MAP4K1: variants seen among roughly 807,000 people sequenced by gnomAD.
MAP4K1 encodes the protein MAPK/ERK kinase kinase kinase 1.
MAP4K1 carries 35 observed loss-of-function variants against 122.8 expected under a neutral mutation model. The ratio of observed to expected loss-of-function variants is 0.29; its 90% CI spans 0.22 to 0.38. MAP4K1 has a LOEUF of 0.38. MAP4K1 is among the 10% of genes least tolerant of loss of function. The pLI is 1.00. For synonymous variants in MAP4K1, 412 were observed against 421.3 expected, an observed-to-expected ratio of 0.98 and a Z score of 0.27; for missense variants, 791 against 1,072.6, an observed-to-expected ratio of 0.74 and a Z score of 3.67.
Position 38,609,586 on chromosome 19 carries a change from C to T in MAP4K1, c.1006+10G>A. On this transcript the variant is annotated intron_variant, in intron 13 of 30. Coordinates refer to ENST00000396857, the MANE Select transcript of MAP4K1 (RefSeq NM_001042600.3). ...TCAGGTGTCCCCAAACATAAGGATT[C>T]TCTACTCACGACAGCAGTCTGCATC... The T allele has an allele frequency of 6.2e-7, 1 of 1,612,512 alleles. No individual in the cohort carries two copies. The highest frequency in any genetic ancestry group is 8.5e-7 in the Non-Finnish European group (1 of 1,179,314).
chr19:38,611,264 C>T lies in MAP4K1; in HGVS notation c.707G>A (p.Arg236Gln). Residue 236 changes from arginine to glutamine, a missense_variant, in exon 10 of 31, where the codon CGA becomes CAA. Coordinates refer to ENST00000396857, the MANE Select transcript of MAP4K1 (RefSeq NM_001042600.3). ...LMTKSGYQPPRLKEKGKWSAA... is the reference protein window; with the variant it reads ...LMTKSGYQPPQLKEKGKWSAA... ...GTACCATTTGCCTTTTTCCTTCAGT[C>T]GGGGAGGCTGGTAGCCACTCTTGGT... The T allele has an allele frequency of 1.2e-6, 2 of 1,613,576 alleles. No individual in the cohort carries two copies. The highest frequency in any genetic ancestry group is 1.7e-6 in the Non-Finnish European group (2 of 1,179,626).
intron 19 of MAP4K1, among the ~76,000 whole-genome samples, chr19:38,602,814 A>G (rs978962350): frequency 1.9e-4 from 28 of 148,182 alleles, no homozygotes; most frequent in Non-Finnish European, 3.1e-4. Context: ...ATATACATAT[A>G]TACACATGTA....
At position 38,587,829 on chromosome 19, in the gene MAP4K1, A is replaced by G; in HGVS notation, c.2397-12T>C. Reference sequence around the variant, plus strand: ...CCACCACTACAGGCCTGTGGAAGGAAGAGATAAGTCAGTTCATTTATTCAT... The same window carrying G: ...CCACCACTACAGGCCTGTGGAAGGAGGAGATAAGTCAGTTCATTTATTCAT... On this transcript the variant is annotated splice_polypyrimidine_tract_variant and intron_variant, in intron 30 of 30. Coordinates refer to ENST00000396857, the MANE Select transcript of MAP4K1 (RefSeq NM_001042600.3). The G allele has an allele frequency of 3.7e-6, 6 of 1,604,492 alleles. No individual in the cohort carries two copies. The highest frequency in any genetic ancestry group is 4.3e-6 in the Non-Finnish European group (5 of 1,171,262).
chr19:38,595,799 A>G, intron 27 of MAP4K1, 70 bp from the exon 28 acceptor site: 1 of 1,494,592 alleles, frequency 6.7e-7, no homozygotes, highest in Non-Finnish European at 9.3e-7. Flanking sequence ...CCAATCCATA[A>G]ATTCAGTGTG....
At chr19:38,595,411 C>T in intron 29 of MAP4K1, 74 bp downstream of exon 29, 1 of 1,505,376 alleles carries the variant, frequency 6.6e-7, no homozygotes, top group Non-Finnish European at 9.2e-7. Flanking sequence ...CTCAGGAGTT[C>T]TCGGAGCCCA....
At position 38,597,235 on chromosome 19, in the gene MAP4K1, ACT is replaced by A; in HGVS notation, c.1837+89_1837+90del. On this transcript the variant is annotated intron_variant, in intron 24 of 30. Transcript: ENST00000396857. This position sits in a 1 kb window ranked among gnomAD's most constrained non-coding sequence, Gnocchi z 4.6. Reference sequence around the variant, plus strand: ...TCTGGGTTCTGGACACATTGCCTTAACTCTGTAACCTTCTCAGGTGGATGCAG... The same window carrying A: ...TCTGGGTTCTGGACACATTGCCTTAACTGTAACCTTCTCAGGTGGATGCAG... The A allele has an allele frequency of 1.2e-6, 2 of 1,600,666 alleles. No homozygotes were observed. The highest frequency in any genetic ancestry group is 2.2e-5 in the South Asian group (2 of 90,794).
At chr19:38,592,760 A>C (rs1449681702) in intron 30 of MAP4K1, among the ~76,000 whole-genome samples, 1 of 151,092 alleles carries the variant, frequency 6.6e-6, no homozygotes, top group Non-Finnish European at 1.5e-5. Flanking sequence ...CTACTAAAAA[A>C]TATAGTATTA....
chr19:38,589,161 G>A (rs944105528), intron 30 of MAP4K1: 1 of 152,124 alleles, frequency 6.6e-6, no homozygotes, highest in African/African-American at 2.4e-5. Context: ...GGGCAGGCCA[G>A]GTGCGTTGGC....
In MAP4K1 at chr19:38,617,121, C is replaced by T. The variant is rs1975668945; in HGVS notation, c.248+233G>A. Among the ~76,000 whole-genome samples, 1 of 152,014 alleles carries T rather than the reference C, an allele frequency of 6.6e-6. No homozygotes were observed. Among genetic ancestry groups the T allele is most frequent in the Admixed American group, 6.6e-5 (1 of 15,242 alleles). On this transcript the variant is annotated intron_variant, in intron 3 of 30. Coordinates refer to ENST00000396857, the MANE Select transcript of MAP4K1 (RefSeq NM_001042600.3). This position sits in a 1 kb window ranked among gnomAD's most constrained non-coding sequence, Gnocchi z 4.1. The stretch of plus-strand genomic sequence containing the variant: ...ATTTGCCGGGCAGGGTGGTGAGCGC[C>T]TGTAATCCCAGCTACTCGGGAGTCT...
At chr19:38,593,377 C>T in intron 29 of MAP4K1, 40 bp from the exon 30 acceptor site, 1 of 1,547,166 alleles carries the variant, frequency 6.5e-7, no homozygotes, top group Non-Finnish European at 8.8e-7. Context: ...CTGGAAGATA[C>T]CTCCACTGTC....
At chr19:38,609,213 C>A (rs1975423330) in intron 13 of MAP4K1, among the ~76,000 whole-genome samples, 2 of 152,082 alleles carry the variant, frequency 1.3e-5, no homozygotes, top group South Asian at 4.1e-4. Context: ...TGGTTCACTG[C>A]AACCTCCACC....
chr19:38,609,481 C>G (rs769306900), intron 13 of MAP4K1, 115 bp downstream of exon 13: 361 of 892,274 alleles, frequency 4.0e-4, no homozygotes, highest in Non-Finnish European at 6.1e-4. Flanking sequence ...TGTCTGGGGT[C>G]TCTTATAGGA....
At chr19:38,596,964 G>A (rs1974907589) in intron 25 of MAP4K1, 70 bp downstream of exon 25, 1 of 1,423,526 alleles carries the variant, frequency 7.0e-7, no homozygotes, top group African/African-American at 1.4e-5. Context: ...GCTCTTGATA[G>A]AAGCGCAAAG....
intron 26 of MAP4K1, 82 bp downstream of exon 26, chr19:38,596,230 C>T: frequency 6.8e-7 from 1 of 1,463,430 alleles, no homozygotes; most frequent in Non-Finnish European, 9.1e-7. Flanking sequence ...CGTAGTGCCT[C>T]AGGCTAAGCG....
At chr19:38,593,947 G>T (rs1974798914) in intron 29 of MAP4K1, among the ~76,000 whole-genome samples, 1 of 152,166 alleles carries the variant, frequency 6.6e-6, no homozygotes, top group South Asian at 2.1e-4. Context: ...TAAGGGCAAA[G>T]TCTGACACAG....
chr19:38,610,228 CAG>C (rs1975454992), intron 11 of MAP4K1, among the ~76,000 whole-genome samples: 1 of 152,050 alleles, frequency 6.6e-6, no homozygotes, highest in East Asian at 1.9e-4. Context: ...TGTTTTAAGA[CAG>C]AGTCTCACTC....
chr19:38,605,043 C>A (rs755604447), intron 19 of MAP4K1, among the ~76,000 whole-genome samples: 9 of 150,144 alleles, frequency 6.0e-5, no homozygotes, highest in African/African-American at 2.0e-4. Flanking sequence ...GCTAAGATCG[C>A]GCCACTGTAC....
At position 38,609,971 on chromosome 19, in the gene MAP4K1, C is replaced by T; in HGVS notation, c.865G>A (p.Asp289Asn). 1 of 1,614,162 alleles carries T rather than the reference C, an allele frequency of 6.2e-7. No homozygotes were observed. The highest frequency in any genetic ancestry group is 8.5e-7 in the Non-Finnish European group (1 of 1,180,030). Residue 289 changes from aspartate to asparagine, a missense_variant, in exon 12 of 31, where the codon GAC becomes AAC. By Grantham distance (23) the Asp-to-Asn change is conservative (BLOSUM62 1). Around this residue, in one of 4 missense-constraint regions of MAP4K1, gnomAD observed 303 missense variants for 344.8 expected, o/e 0.88. Transcript: ENST00000396857. ...LNRGLILDLLDKLKNPGKGPS... is the reference protein window; with the variant it reads ...LNRGLILDLLNKLKNPGKGPS... ...CCTTTCCCGGGATTCTTCAGTTTGT[C>T]AAGAAGATCCAGGATCAGGCCTCGA...
At chr19:38,594,051 C>T (rs982683857) in intron 29 of MAP4K1, among the ~76,000 whole-genome samples, 2 of 152,182 alleles carry the variant, frequency 1.3e-5, no homozygotes, top group Non-Finnish European at 2.9e-5. Context: ...GAATTCCAAC[C>T]CAGACAGTCT....
Sources: allele counts gnomAD v4.1 joint callset (sites outside exome capture counted in the v4.1 genomes callset), GRCh38; gene constraint gnomAD v4.1.1; regional missense constraint gnomAD v4.1.1; non-coding constraint Gnocchi (gnomAD v3.1); transcripts MANE v1.5; gene names NCBI Gene and HGNC (gene_info 2026-07-23, HGNC 2026-07-21).